Variants in XYLT1 observed in about 807,000 individuals in gnomAD.
The protein encoded by XYLT1 is xylosyltransferase 1, also known as beta-D-xylosyltransferase 1.
In XYLT1, 36 loss-of-function variants were observed where a neutral mutation model predicts 91.3. The ratio of observed to expected loss-of-function variants is 0.39; its 90% confidence interval spans 0.30 to 0.52. The LOEUF is 0.52. Among genes scored for constraint, XYLT1 ranks in the 20% least tolerant of loss-of-function variants. The pLI is 0.68. For missense variants in XYLT1, 1,242 were observed against 1,284.5 expected, an observed-to-expected ratio of 0.97 and a Z score of 0.51; for synonymous variants, 588 against 532.0, an observed-to-expected ratio of 1.11 and a Z score of -1.45.
At chr16:17,331,147 G>A (rs571372852) in intron 2 of XYLT1, among the ~76,000 whole-genome samples, 50 of 152,328 alleles carry the variant, frequency 3.3e-4, no homozygotes, top group South Asian at 1.7e-3. Flanking sequence ...AGGCGAGGCC[G>A]CCTCTAAAGC....
chr16:17,126,443 C>A (rs1175838648), intron 10 of XYLT1, among the ~76,000 whole-genome samples: 2 of 152,196 alleles, frequency 1.3e-5, no homozygotes, highest in Non-Finnish European at 2.9e-5. Flanking sequence ...CTTGGCTGCT[C>A]ACATCCAGCA....
rs142728669 is a variant in XYLT1, at chr16:17,141,107, A to C, written c.1587+46T>G. ...CAGCATCTGCTTTGCCACAAAGGCTAGAACAAGCCCCTATCTTTCTTGGGA... is the reference window on the plus strand; with the variant it reads ...CAGCATCTGCTTTGCCACAAAGGCTCGAACAAGCCCCTATCTTTCTTGGGA... On this transcript the variant is annotated intron_variant, in intron 7 of 11. Transcript: ENST00000261381. 1.1e-3 allele frequency: 1,699 copies of C among 1,587,952 alleles called. 15 individuals carry two copies. The African/African-American group carries it at 0.02, about 19-fold the overall frequency.
intron 3 of XYLT1, chr16:17,227,765 G>A (rs1005108974): frequency 1.3e-5 from 2 of 152,396 alleles, no homozygotes; most frequent in African/African-American, 4.8e-5. Flanking sequence ...AAAGAGTTGG[G>A]AAGTGACTGT....
chr16:17,317,905 T>A lies in XYLT1; in HGVS notation c.402+40107A>T, dbSNP rs891096504. On this transcript the variant is annotated intron_variant, in intron 2 of 11. Coordinates refer to ENST00000261381, the MANE Select transcript of XYLT1 (RefSeq NM_022166.4). ...GCACACACTATTCCTCTGCCTGGAA[T>A]GCTTTTCCCTGCATCCTTGAATATC... Among the ~76,000 whole-genome samples the A allele has an allele frequency of 1.6e-4, 25 of 152,204 alleles. 2 individuals carry two copies. Among genetic ancestry groups the A allele is most frequent in the Admixed American group, 7.9e-4 (12 of 15,274 alleles).
chr16:17,470,873 C>G lies in XYLT1; in HGVS notation c.-77G>C. On this transcript the variant is annotated 5_prime_UTR_variant, in exon 1 of 12. Transcript: ENST00000261381. ...CCGCCCCCGCGCTCCCCGCAGCTCC[C>G]GCGGCCGCCGGCTGCCGCTCGGGCT... 7 of 979,234 alleles carry G rather than the reference C, an allele frequency of 7.1e-6. No individual in the cohort carries two copies. The highest frequency in any genetic ancestry group is 1.1e-4 in the East Asian group (1 of 8,736). The allele number at this position is 979,234 out of a possible 1,614,324, so 60.7% of individuals were successfully genotyped here. A position where few individuals can be genotyped will look rare whatever the true frequency, so the allele number is the denominator to read the frequency against.
At chr16:17,216,820 C>A (rs2032869714) in intron 3 of XYLT1, among the ~76,000 whole-genome samples, 1 of 152,186 alleles carries the variant, frequency 6.6e-6, no homozygotes, top group Admixed American at 6.5e-5. Context: ...ACTCTGTCAT[C>A]CTGCCTCTTG....
chr16:17,250,950 C>G (rs959452776), intron 3 of XYLT1: 10 of 152,258 alleles, frequency 6.6e-5, no homozygotes, highest in African/African-American at 2.4e-4. Flanking sequence ...AAAGTAGTAT[C>G]TCTGGCTGAC....
intron 2 of XYLT1, among the ~76,000 whole-genome samples, chr16:17,274,824 C>G (rs989005892): frequency 1.3e-5 from 2 of 152,158 alleles, no homozygotes; most frequent in Non-Finnish European, 2.9e-5. Context: ...CCAGCTAACA[C>G]TTAGTGAACA....
Position 17,104,387 on chromosome 16 carries a change from A to G in XYLT1, c.*4308T>C, listed in dbSNP as rs1966747394. The G allele has an allele frequency of 6.6e-6, 1 of 152,176 alleles. No homozygotes were observed. The highest frequency in any genetic ancestry group is 2.4e-5 in the African/African-American group (1 of 41,408). 9.4% of individuals were successfully genotyped at this position (152,176 alleles called of 1,614,324 possible). ...TCTATTCCTTCTTCCCTTCAGCACAATCTTGGGACCAGGAGAGCTGAATGA... is the reference window on the plus strand; with the variant it reads ...TCTATTCCTTCTTCCCTTCAGCACAGTCTTGGGACCAGGAGAGCTGAATGA... On this transcript the variant is annotated 3_prime_UTR_variant, in exon 12 of 12. Transcript: ENST00000261381.
intron 2 of XYLT1, among the ~76,000 whole-genome samples, chr16:17,282,283 C>T (rs2034069674): frequency 6.6e-6 from 1 of 152,212 alleles, no homozygotes; most frequent in Admixed American, 6.5e-5. Context: ...TCCCTACCCC[C>T]TGGCCAGTAA....
chr16:17,167,492 A>G (rs1445232055), intron 5 of XYLT1, among the ~76,000 whole-genome samples: 1 of 150,130 alleles, frequency 6.7e-6, no homozygotes, highest in Admixed American at 6.6e-5. Context: ...GTTCTAACCC[A>G]TCCTTCCATC....
chr16:17,266,257 T>C (rs1278003866), intron 2 of XYLT1, among the ~76,000 whole-genome samples: 1 of 152,144 alleles, frequency 6.6e-6, no homozygotes, highest in Non-Finnish European at 1.5e-5. Context: ...TTTGCCTCAG[T>C]TTCCTCATCC....
chr16:17,432,319 C>T (rs977882596), intron 1 of XYLT1, among the ~76,000 whole-genome samples: 4 of 152,122 alleles, frequency 2.6e-5, no homozygotes, highest in Non-Finnish European at 4.4e-5. Context: ...CAGAAAAAAC[C>T]CAGTGTCCAT....
At chr16:17,338,072 T>G (rs770606728) in intron 2 of XYLT1, 4 of 405,778 alleles carry the variant, frequency 9.9e-6, no homozygotes, top group Non-Finnish European at 2.0e-5. Flanking sequence ...CCGGCCCCCG[T>G]TCTACATTTT....
At position 17,435,114 on chromosome 16, in the gene XYLT1, T is replaced by C. The variant is rs577708664; in HGVS notation, c.363+35320A>G. Among the ~76,000 whole-genome samples the C allele has an allele frequency of 7.9e-5, 12 of 152,332 alleles. No homozygotes were observed. In the East Asian group the frequency reaches 2.3e-3, roughly 29 times the overall value. ...GCAGAGATGCCTGTAAGATGCCTTCTGCGTACATGGTTCAGGTCCGGCGTG... is the reference window on the plus strand; with the variant it reads ...GCAGAGATGCCTGTAAGATGCCTTCCGCGTACATGGTTCAGGTCCGGCGTG... On this transcript the variant is annotated intron_variant, in intron 1 of 11. Coordinates refer to ENST00000261381, the MANE Select transcript of XYLT1 (RefSeq NM_022166.4).
In XYLT1 at chr16:17,350,755, G is replaced by A. The variant is rs1003923198; in HGVS notation, c.402+7257C>T. Among the ~76,000 whole-genome samples the A allele has an allele frequency of 5.3e-5, 8 of 151,082 alleles. No individual in the cohort carries two copies. In the East Asian group the frequency reaches 5.8e-4, roughly 11 times the overall value. On this transcript the variant is annotated intron_variant, in intron 2 of 11. Coordinates refer to ENST00000261381, the MANE Select transcript of XYLT1 (RefSeq NM_022166.4). ...GGTAAGAGCCATTCAGAAGCTTCCC[G>A]ATTACTCCAAAAACTGCTCTCTGTG...
intron 2 of XYLT1, among the ~76,000 whole-genome samples, chr16:17,324,091 T>G (rs59980578): frequency 0.082 from 12,429 of 152,178 alleles, 522 homozygotes; most frequent in Non-Finnish European, 0.1. Flanking sequence ...CATGCACACA[T>G]GCTTCCCAAC....
chr16:17,214,551 G>A (rs976206212), intron 3 of XYLT1, among the ~76,000 whole-genome samples: 2 of 152,088 alleles, frequency 1.3e-5, no homozygotes, highest in South Asian at 2.1e-4. Context: ...GGTGTTTTAC[G>A]CCACTAAGTT....
At chr16:17,382,008 C>T (rs1182345324) in intron 1 of XYLT1, among the ~76,000 whole-genome samples, 1 of 151,832 alleles carries the variant, frequency 6.6e-6, no homozygotes, top group Admixed American at 6.6e-5. Context: ...CACAGAGAGG[C>T]CACCTTCCAG....
Sources: allele counts gnomAD v4.1 joint callset (sites outside exome capture counted in the v4.1 genomes callset), GRCh38; gene constraint gnomAD v4.1.1; transcripts MANE v1.5; gene names NCBI Gene and HGNC (gene_info 2026-07-23, HGNC 2026-07-21).